Variants in FRMD4A observed in about 807,000 individuals in gnomAD.
The protein encoded by FRMD4A is FERM domain-containing protein 4A.
Under a neutral mutation model 129.1 loss-of-function variants are expected in FRMD4A, and 29 were observed. The observed-to-expected ratio is 0.22, with a 90% confidence interval of 0.17 to 0.31. The LOEUF is 0.31. Ranked by LOEUF, FRMD4A falls within the 10% of genes least tolerant of loss-of-function variation. The pLI is 1.00. For synonymous variants in FRMD4A, 634 were observed against 571.6 expected, an observed-to-expected ratio of 1.11 and a Z score of -1.56; for missense variants, 1,272 against 1,375.8, an observed-to-expected ratio of 0.92 and a Z score of 1.19.
intron 2 of FRMD4A, among the ~76,000 whole-genome samples, chr10:13,935,923 C>T (rs573665998): frequency 5.9e-5 from 9 of 152,214 alleles, no homozygotes; most frequent in Non-Finnish European, 8.8e-5. Flanking sequence ...ATCAGGTTGC[C>T]CTGACCAGGA....
At chr10:13,810,786 G>C in intron 4 of FRMD4A, 28 bp downstream of exon 4, 1 of 1,207,864 alleles carries the variant, frequency 8.3e-7, no homozygotes, top group Non-Finnish European at 1.2e-6. Flanking sequence ...TCTCCCTTCG[G>C]GCTGTGAGGG....
Position 13,898,108 on chromosome 10 carries a change from C to T in FRMD4A, c.46-39196G>A, listed in dbSNP as rs1254565079. Among the ~76,000 whole-genome samples the T allele has an allele frequency of 6.6e-5, 10 of 151,968 alleles. No individual in the cohort carries two copies. The East Asian group carries it at 7.7e-4, about 12-fold the overall frequency. On this transcript the variant is annotated intron_variant, in intron 2 of 24. Coordinates refer to ENST00000357447, the MANE Select transcript of FRMD4A (RefSeq NM_018027.5). ...TGACAAGAGGCTGGGTGCGGTGGCT[C>T]ATGCCTGTAATCCCAGCACTTTGGG... is the stretch of plus-strand genomic sequence containing the variant.
chr10:14,255,085 C>A (rs1043330577), intron 2 of FRMD4A, among the ~76,000 whole-genome samples: 1 of 152,164 alleles, frequency 6.6e-6, no homozygotes, highest in Non-Finnish European at 1.5e-5. Flanking sequence ...AATGTGCAAC[C>A]GTCTCAAAAT....
At chr10:13,914,480 G>C (rs549388804) in intron 2 of FRMD4A, among the ~76,000 whole-genome samples, 7 of 152,252 alleles carry the variant, frequency 4.6e-5, no homozygotes, top group African/African-American at 1.7e-4. Context: ...ATTCTAATAA[G>C]AGCTTCATTG....
At chr10:14,162,654 T>G (rs1030469840) in intron 2 of FRMD4A, among the ~76,000 whole-genome samples, 20 of 151,240 alleles carry the variant, frequency 1.3e-4, no homozygotes, top group African/African-American at 2.4e-4. Context: ...TTTTTTTTTT[T>G]TTTTTGTATA....
At chr10:13,876,577 A>G (rs528722517) in intron 2 of FRMD4A, among the ~76,000 whole-genome samples, 1 of 152,276 alleles carries the variant, frequency 6.6e-6, no homozygotes, top group East Asian at 1.9e-4. Flanking sequence ...GAATTTGCCT[A>G]CTTTGTTTCA....
chr10:14,257,076 C>T (rs959412806), intron 2 of FRMD4A, among the ~76,000 whole-genome samples: 2 of 152,084 alleles, frequency 1.3e-5, no homozygotes, highest in Non-Finnish European at 2.9e-5. Flanking sequence ...CACCTGTAAT[C>T]CCGGCACTTT....
intron 2 of FRMD4A, among the ~76,000 whole-genome samples, chr10:14,128,854 ACT>A (rs1839072223): frequency 6.6e-6 from 1 of 151,498 alleles, no homozygotes; most frequent in African/African-American, 2.4e-5. Flanking sequence ...TCTGCCCTAC[ACT>A]CTCACCCCTG....
chr10:14,233,578 CA>C (rs1843705007), intron 2 of FRMD4A, among the ~76,000 whole-genome samples: 1 of 152,114 alleles, frequency 6.6e-6, no homozygotes. Flanking sequence ...CATCTCAAAA[CA>C]AACAAACACC....
intron 2 of FRMD4A, among the ~76,000 whole-genome samples, chr10:14,061,024 A>G (rs1273722910): frequency 2.0e-5 from 3 of 151,958 alleles, no homozygotes; most frequent in Non-Finnish European, 2.9e-5. Flanking sequence ...CCAATAAGGA[A>G]AAAAAAATGA....
intron 2 of FRMD4A, chr10:13,890,912 G>T: frequency 1.0e-6 from 1 of 953,080 alleles, no homozygotes; most frequent in Non-Finnish European, 1.2e-6. Flanking sequence ...TGTACGAACA[G>T]TTACTCTGCT....
chr10:13,962,014 G>A (rs1281846835), intron 2 of FRMD4A, among the ~76,000 whole-genome samples: 1 of 148,632 alleles, frequency 6.7e-6, no homozygotes, highest in Non-Finnish European at 1.5e-5. Context: ...TTAGTTATTT[G>A]TTAGATAAAT....
intron 2 of FRMD4A, among the ~76,000 whole-genome samples, chr10:13,916,204 C>G (rs1236729449): frequency 2.0e-5 from 3 of 152,184 alleles, no homozygotes; most frequent in Non-Finnish European, 4.4e-5. Flanking sequence ...CTCTTCCCCA[C>G]CAGGGAAGGG....
Position 13,877,631 on chromosome 10 carries a change from A to C in FRMD4A, c.46-18719T>G, listed in dbSNP as rs577535842. ...AGTGACTTTGACATCCACACGGAGC[A>C]GTCCATCTGGGCTAGAGGCTACCGC... On this transcript the variant is annotated intron_variant, in intron 2 of 24. Coordinates refer to ENST00000357447, the MANE Select transcript of FRMD4A (RefSeq NM_018027.5). Among the ~76,000 whole-genome samples the C allele has an allele frequency of 2.0e-5, 3 of 152,354 alleles. No homozygotes were observed. In the East Asian group the frequency reaches 5.8e-4, roughly 29 times the overall value.
At chr10:13,864,338 CAAAA>C (rs149602938) in intron 2 of FRMD4A, among the ~76,000 whole-genome samples, 7 of 114,650 alleles carry the variant, frequency 6.1e-5, no homozygotes, top group East Asian at 2.5e-4. Context: ...CATCTTGAGT[CAAAA>C]AAAAAAAAAA....
intron 13 of FRMD4A, 88 bp from the exon 14 acceptor site, chr10:13,701,566 C>A: frequency 7.9e-7 from 1 of 1,264,404 alleles, no homozygotes; most frequent in Non-Finnish European, 1.1e-6. Flanking sequence ...GAACCCACTG[C>A]GTCCTAGAAG....
intron 12 of FRMD4A, among the ~76,000 whole-genome samples, chr10:13,732,252 C>T (rs763883145): frequency 1.3e-5 from 2 of 152,106 alleles, no homozygotes; most frequent in African/African-American, 4.8e-5. Flanking sequence ...GAATGAGGGA[C>T]GGGCTACTGT....
intron 2 of FRMD4A, among the ~76,000 whole-genome samples, chr10:14,303,747 T>TC (rs1239277639): frequency 6.6e-6 from 1 of 152,136 alleles, no homozygotes; most frequent in African/African-American, 2.4e-5. Flanking sequence ...AGTAGCTTTT[T>TC]CCCCCTCTTC....
intron 2 of FRMD4A, among the ~76,000 whole-genome samples, chr10:14,035,864 C>T (rs1219023592): frequency 6.6e-6 from 1 of 151,978 alleles, no homozygotes; most frequent in Non-Finnish European, 1.5e-5. Flanking sequence ...TTTTGCTTCT[C>T]TGACCATCTC....
Sources: allele counts gnomAD v4.1 joint callset (sites outside exome capture counted in the v4.1 genomes callset), GRCh38; gene constraint gnomAD v4.1.1; transcripts MANE v1.5; gene names NCBI Gene and HGNC (gene_info 2026-07-23, HGNC 2026-07-21).